The following CHD2 variants were observed in gnomAD, a reference collection of about 807,000 sequenced individuals.
The protein encoded by CHD2 is ATP-dependent chromatin remodeler CHD2.
A neutral mutation model predicts 243.9 loss-of-function variants in CHD2; 28 were observed. The observed-to-expected ratio is 0.11, with a 90% CI of 0.09 to 0.16. The LOEUF is 0.16. CHD2 is among the 10% of genes least tolerant of loss of function. CHD2 has a pLI of 1.00. For synonymous variants in CHD2, 775 were observed against 779.0 expected (o/e 0.99, Z 0.09); for missense variants, 1,386 against 2,209.8 (o/e 0.63, Z 7.47).
chr15:92,941,185 A>T (rs1359637272), intron 7 of CHD2, among the ~76,000 whole-genome samples: 1 of 151,120 alleles, frequency 6.6e-6, no homozygotes, highest in Non-Finnish European at 1.5e-5. Flanking sequence ...TTTAATCGAT[A>T]CGGTCACCAT....
intron 5 of CHD2, among the ~76,000 whole-genome samples, chr15:92,933,981 T>G (rs1454899570): frequency 6.6e-6 from 1 of 152,210 alleles, no homozygotes; most frequent in Non-Finnish European, 1.5e-5. Context: ...AGCCTCAGAT[T>G]TCTGTTGATC....
chr15:93,023,482 G>A (rs1039436112), intron 38 of CHD2, among the ~76,000 whole-genome samples: 2 of 152,180 alleles, frequency 1.3e-5, no homozygotes, highest in Non-Finnish European at 2.9e-5. Flanking sequence ...GAAGATTGGT[G>A]TACAGGTACT....
intron 16 of CHD2, among the ~76,000 whole-genome samples, chr15:92,957,589 A>C (rs566431255): frequency 1.8e-4 from 27 of 151,920 alleles, no homozygotes; most frequent in African/African-American, 6.5e-4. Context: ...CTAGAATAGC[A>C]CCTGGTGCAC....
At chr15:92,941,209 G>C (rs946674231) in intron 7 of CHD2, among the ~76,000 whole-genome samples, 1 of 151,464 alleles carries the variant, frequency 6.6e-6, no homozygotes, top group Non-Finnish European at 1.5e-5. Flanking sequence ...GGCCAGGCTG[G>C]TTTCTAACTC....
chr15:93,009,021 A>C, intron 34 of CHD2, 124 bp from the exon 35 acceptor site: 1 of 1,097,918 alleles, frequency 9.1e-7, no homozygotes. Flanking sequence ...AGCTTTACCC[A>C]CTCTTCCTCT....
rs1449917353 is a variant in CHD2, at chr15:92,967,517, A to G, written c.2189+4A>G. The G allele has an allele frequency of 1.2e-6, 2 of 1,612,700 alleles. No individual in the cohort carries two copies. The highest frequency in any genetic ancestry group is 3.3e-5 in the Admixed American group (2 of 59,916). On this transcript the variant is annotated splice_donor_region_variant and intron_variant, in intron 17 of 38. Coordinates refer to ENST00000394196, the MANE Select transcript of CHD2 (RefSeq NM_001271.4). ...CCCTTCAGAAACAGTATTACAAGTA[A>G]GTTCTTGTTTGGGTTAGGCCTGAAG...
chr15:93,017,639 G>T (rs573250317), intron 37 of CHD2, among the ~76,000 whole-genome samples: 2 of 151,934 alleles, frequency 1.3e-5, no homozygotes, highest in South Asian at 4.2e-4. Context: ...GAGCCACTGC[G>T]CCTGGCCTAA....
intron 17 of CHD2, 35 bp from the exon 18 acceptor site, chr15:92,971,730 G>A: frequency 3.2e-6 from 5 of 1,568,974 alleles, no homozygotes; most frequent in Non-Finnish European, 4.3e-6. Context: ...CTGTTTTTTT[G>A]TATCTAGTAG....
intron 5 of CHD2, among the ~76,000 whole-genome samples, chr15:92,929,782 G>A (rs1403339877): frequency 2.0e-5 from 3 of 152,002 alleles, no homozygotes; most frequent in Non-Finnish European, 2.9e-5. Context: ...TACCAGTTCA[G>A]GGGTTCTCAT....
intron 2 of CHD2, among the ~76,000 whole-genome samples, chr15:92,910,932 G>T (rs903890910): frequency 3.9e-5 from 6 of 152,130 alleles, no homozygotes; most frequent in Non-Finnish European, 7.4e-5. Flanking sequence ...TTGCTCCTAG[G>T]CCACAACTGT....
chr15:93,016,389 A>G (rs914918626), intron 37 of CHD2, among the ~76,000 whole-genome samples: 17 of 152,230 alleles, frequency 1.1e-4, no homozygotes, highest in African/African-American at 4.1e-4. Context: ...CAACGGAGAT[A>G]AAATTTCAGT....
At position 92,927,344 on chromosome 15, in the gene CHD2, G is replaced by T. The variant is rs749823273; in HGVS notation, c.381+14G>T. 2 of 1,594,738 alleles carry T rather than the reference G, an allele frequency of 1.3e-6. No individual in the cohort carries two copies. Among genetic ancestry groups the T allele is most frequent in the Admixed American group, 3.3e-5 (2 of 59,918 alleles). On this transcript the variant is annotated intron_variant, in intron 4 of 38. Coordinates refer to ENST00000394196, the MANE Select transcript of CHD2 (RefSeq NM_001271.4). Reference sequence around the variant, plus strand: ...ATTAAGGAAGAGGTAAGGAAAAAATGTTTTAAGGGCATGCATTTAAACTCC... The same window carrying T: ...ATTAAGGAAGAGGTAAGGAAAAAATTTTTTAAGGGCATGCATTTAAACTCC...
At chr15:92,978,861 T>G (rs957090445) in intron 21 of CHD2, among the ~76,000 whole-genome samples, 1 of 152,212 alleles carries the variant, frequency 6.6e-6, no homozygotes, top group East Asian at 1.9e-4. Context: ...TGTGGAACTT[T>G]CCATCACTGA....
chr15:92,958,882 G>A (rs773359602), intron 16 of CHD2, among the ~76,000 whole-genome samples: 3 of 152,150 alleles, frequency 2.0e-5, no homozygotes, highest in Admixed American at 6.5e-5. Flanking sequence ...GCACATTCAG[G>A]GTAGGCTACG....
intron 2 of CHD2, among the ~76,000 whole-genome samples, chr15:92,911,804 A>G (rs1036080024): frequency 6.6e-5 from 10 of 152,152 alleles, no homozygotes; most frequent in African/African-American, 2.4e-4. Flanking sequence ...GAGACTGCGG[A>G]AAATAGTAAA....
chr15:92,957,373 C>T (rs1281907541), intron 16 of CHD2, among the ~76,000 whole-genome samples: 3 of 152,228 alleles, frequency 2.0e-5, no homozygotes, highest in Non-Finnish European at 4.4e-5. Flanking sequence ...AATGTTTCAG[C>T]TCATCTTAAA....
At chr15:92,950,709 C>T (rs997392945) in intron 13 of CHD2, among the ~76,000 whole-genome samples, 1 of 150,850 alleles carries the variant, frequency 6.6e-6, no homozygotes, top group Non-Finnish European at 1.5e-5. Flanking sequence ...GCCATTTTCG[C>T]ACCATTGCAC....
intron 35 of CHD2, among the ~76,000 whole-genome samples, chr15:93,010,996 A>T (rs1033855337): frequency 6.6e-6 from 1 of 152,150 alleles, no homozygotes; most frequent in Non-Finnish European, 1.5e-5. Flanking sequence ...TAAAGAAAAG[A>T]TTTAATTTTC....
At chr15:92,983,829 C>T (rs2054009321) in intron 24 of CHD2, among the ~76,000 whole-genome samples, 1 of 152,006 alleles carries the variant, frequency 6.6e-6, no homozygotes, top group African/African-American at 2.4e-5. Context: ...ATGAAATCAC[C>T]ACACATCTTT....
Sources: gnomAD v4.1 joint callset for allele counts (sites outside exome capture counted in the v4.1 genomes callset) on GRCh38, gnomAD v4.1.1 for gene constraint, MANE v1.5 for transcripts, NCBI Gene and HGNC (gene_info 2026-07-23, HGNC 2026-07-21) for gene names.